HCN1: variants seen among roughly 807,000 people sequenced by gnomAD.
HCN1 encodes the protein hyperpolarization activated cyclic nucleotide gated potassium channel 1, also known as potassium/sodium hyperpolarization-activated cyclic nucleotide-gated channel 1.
In HCN1, 13 loss-of-function variants were observed where a neutral mutation model predicts 78.9. That is an observed-to-expected ratio of 0.16 (90% confidence interval 0.11 to 0.26). The LOEUF (loss-of-function observed/expected upper bound fraction) is 0.26, where lower values mean the gene tolerates loss of function less well. HCN1 is among the 10% of genes least tolerant of loss of function. HCN1 has a pLI of 1.00. For missense variants in HCN1, 810 were observed against 1,154.3 expected, an observed-to-expected ratio of 0.70 and a Z score of 4.32; for synonymous variants, 552 against 455.5, an observed-to-expected ratio of 1.21 and a Z score of -2.70.
At chr5:45,412,024 C>T (rs1740034381) in intron 3 of HCN1, among the ~76,000 whole-genome samples, 1 of 152,078 alleles carries the variant, frequency 6.6e-6, no homozygotes, top group African/African-American at 2.4e-5. Context: ...GCCTTAACCT[C>T]CTCCAATGTG....
chr5:45,532,020 A>G (rs1742862763), intron 2 of HCN1, among the ~76,000 whole-genome samples: 1 of 152,244 alleles, frequency 6.6e-6, no homozygotes, highest in South Asian at 2.1e-4. Context: ...AGCCTGGGCG[A>G]CAGAGCAAGA....
chr5:45,578,429 GA>G (rs562160883), intron 2 of HCN1, among the ~76,000 whole-genome samples: 260 of 148,212 alleles, frequency 1.8e-3, no homozygotes, highest in Middle Eastern at 7.0e-3. Flanking sequence ...TTGCTATGGA[GA>G]AAAAAAAAAT....
At chr5:45,269,171 G>T (rs914381521) in intron 6 of HCN1, among the ~76,000 whole-genome samples, 2 of 152,216 alleles carry the variant, frequency 1.3e-5, no homozygotes, top group Non-Finnish European at 2.9e-5. Flanking sequence ...TTAACAGTAA[G>T]TGGGCACAGG....
chr5:45,613,850 T>G (rs1239134173), intron 2 of HCN1, among the ~76,000 whole-genome samples: 2 of 152,146 alleles, frequency 1.3e-5, no homozygotes, highest in East Asian at 3.9e-4. Context: ...CAAATTAGTA[T>G]GTTTTATACT....
chr5:45,421,949 C>T (rs1052858463), intron 3 of HCN1, among the ~76,000 whole-genome samples: 1 of 152,146 alleles, frequency 6.6e-6, no homozygotes, highest in Non-Finnish European at 1.5e-5. Context: ...CAAAATATGG[C>T]ACCTTGAAAA....
intron 2 of HCN1, among the ~76,000 whole-genome samples, chr5:45,468,563 A>G (rs887051174): frequency 6.6e-6 from 1 of 152,058 alleles, no homozygotes; most frequent in Admixed American, 6.6e-5. Context: ...GCTATGTGAT[A>G]TACCATCCAT....
chr5:45,665,406 AC>A (rs1189156973), intron 1 of HCN1, among the ~76,000 whole-genome samples: 18 of 152,050 alleles, frequency 1.2e-4, no homozygotes, highest in Admixed American at 7.2e-4. Flanking sequence ...TATGTAACTA[AC>A]CTGCACATTG....
intron 2 of HCN1, among the ~76,000 whole-genome samples, chr5:45,633,731 C>T (rs189275446): frequency 4.1e-4 from 62 of 152,000 alleles, no homozygotes; most frequent in Admixed American, 1.3e-3. Context: ...GAAATTTTCA[C>T]ATGAAAGTCT....
intron 5 of HCN1, among the ~76,000 whole-genome samples, chr5:45,309,056 T>A (rs2111913338): frequency 6.6e-6 from 1 of 152,296 alleles, no homozygotes; most frequent in Non-Finnish European, 1.5e-5. Flanking sequence ...TAGTGGTTTG[T>A]ACTATCCTTT....
At chr5:45,687,037 T>G (rs970969507) in intron 1 of HCN1, among the ~76,000 whole-genome samples, 5 of 152,218 alleles carry the variant, frequency 3.3e-5, no homozygotes, top group African/African-American at 1.2e-4. Flanking sequence ...TTATTTAAAT[T>G]TTGTATTATG....
At chr5:45,349,891 C>T (rs1423832395) in intron 5 of HCN1, among the ~76,000 whole-genome samples, 5 of 152,080 alleles carry the variant, frequency 3.3e-5, no homozygotes, top group Non-Finnish European at 7.4e-5. Context: ...AATAGCTTAC[C>T]AACCAAAAAG....
At chr5:45,434,919 G>T (rs1283869446) in intron 3 of HCN1, among the ~76,000 whole-genome samples, 1 of 151,986 alleles carries the variant, frequency 6.6e-6, no homozygotes, top group Non-Finnish European at 1.5e-5. Context: ...AGAGCCAATA[G>T]ATATTTAAAG....
intron 2 of HCN1, among the ~76,000 whole-genome samples, chr5:45,615,128 C>A (rs1744917393): frequency 6.6e-6 from 1 of 151,968 alleles, no homozygotes; most frequent in African/African-American, 2.4e-5. Flanking sequence ...TGCTTTCATT[C>A]TAAGCAAGAT....
chr5:45,271,631 C>T (rs1244524233), intron 6 of HCN1, among the ~76,000 whole-genome samples: 1 of 152,124 alleles, frequency 6.6e-6, no homozygotes, highest in Non-Finnish European at 1.5e-5. Flanking sequence ...AACATTTTAT[C>T]TGTAAAGTCT....
chr5:45,297,786 G>T (rs968165323), intron 6 of HCN1, among the ~76,000 whole-genome samples: 3 of 151,938 alleles, frequency 2.0e-5, no homozygotes, highest in Admixed American at 1.3e-4. Context: ...GGCATGCAAG[G>T]CTGGTTCAAC....
At chr5:45,568,976 C>A (rs538190683) in intron 2 of HCN1, among the ~76,000 whole-genome samples, 81 of 152,186 alleles carry the variant, frequency 5.3e-4, no homozygotes, top group African/African-American at 1.6e-3. Context: ...TGAAGCAGGT[C>A]ATAAAGCCTA....
Position 45,411,507 on chromosome 5 carries a change from C to T in HCN1, c.1012-14797G>A, listed in dbSNP as rs966049072. On this transcript the variant is annotated intron_variant, in intron 3 of 7. Transcript: ENST00000303230. Reference sequence around the variant, plus strand: ...GTATTACTAGTCAAAGAAAATAAAGCGAAGCAGGGCCCCTTTAAAATTTAG... The same window carrying T: ...GTATTACTAGTCAAAGAAAATAAAGTGAAGCAGGGCCCCTTTAAAATTTAG... 8.6e-5 allele frequency among the ~76,000 whole-genome samples: 13 copies of T among 151,814 alleles called. No individual in the cohort carries two copies. In the East Asian group the frequency reaches 1.9e-3, roughly 23 times the overall value.
chr5:45,470,751 T>C (rs1000659120), intron 2 of HCN1, among the ~76,000 whole-genome samples: 2 of 151,968 alleles, frequency 1.3e-5, no homozygotes, highest in Non-Finnish European at 2.9e-5. Context: ...GTATTTGCTA[T>C]GTGCAGAAAG....
intron 2 of HCN1, among the ~76,000 whole-genome samples, chr5:45,474,130 T>C (rs1741465890): frequency 6.6e-6 from 1 of 151,872 alleles, no homozygotes; most frequent in South Asian, 2.1e-4. Context: ...TCCATAGCTT[T>C]CCATTTTTAC....
Sources: allele counts gnomAD v4.1 joint callset (sites outside exome capture counted in the v4.1 genomes callset), GRCh38; gene constraint gnomAD v4.1.1; transcripts MANE v1.5; gene names NCBI Gene and HGNC (gene_info 2026-07-23, HGNC 2026-07-21).